LRRC71: variants seen among roughly 807,000 people sequenced by gnomAD.
LRRC71 encodes leucine rich repeat containing 71, also known as leucine-rich repeat-containing protein 71.
In LRRC71, 54 loss-of-function variants were observed where a neutral mutation model predicts 66.6. The observed-to-expected ratio is 0.81, with a 90% confidence interval of 0.65 to 1.02. The LOEUF is 1.02. Among genes scored for constraint, LRRC71 ranks in the 50% least tolerant of loss-of-function variants. The pLI is 0.00. For missense variants in LRRC71, 724 were observed against 718.0 expected (o/e 1.01, Z -0.10); for synonymous variants, 323 against 303.9 (o/e 1.06, Z -0.65).
chr1:156,927,951 G>A lies in LRRC71; in HGVS notation c.943G>A (p.Val315Met). Residue 315 changes from valine (V) to methionine (M), a missense_variant, in exon 9 of 15, where the codon GTG becomes ATG. Physicochemically the swap from Val to Met is conservative, Grantham distance 21 (BLOSUM62 1). Transcript: ENST00000337428. ...RAFELTHTEVVERRRLLLEKG... is the reference protein window; with the variant it reads ...RAFELTHTEVMERRRLLLEKG... ...CTTCGAGCTGACACACACCGAAGTGGTGGAGCGCCGACGCCTCCTGCTGGA... is the reference window on the plus strand; with the variant it reads ...CTTCGAGCTGACACACACCGAAGTGATGGAGCGCCGACGCCTCCTGCTGGA... 1 of 1,611,820 alleles carries A rather than the reference G, an allele frequency of 6.2e-7. No homozygotes were observed. The highest frequency in any genetic ancestry group is 8.5e-7 in the Non-Finnish European group (1 of 1,179,294).
chr1:156,923,943 C>G lies in LRRC71; in HGVS notation c.161-6C>G, dbSNP rs1175736439. The G allele has an allele frequency of 6.7e-7, 1 of 1,488,024 alleles. No individual in the cohort carries two copies. The highest frequency in any genetic ancestry group is 2.2e-5 in the Admixed American group (1 of 44,940). 92.2% of individuals were successfully genotyped at this position (1,488,024 alleles called of 1,614,324 possible). Reference sequence around the variant, plus strand: ...CCTTCTCTCACGCCCCTGCCTGCCCCCGCAGAGGAGTACCAGTGCTCCGGG... The same window carrying G: ...CCTTCTCTCACGCCCCTGCCTGCCCGCGCAGAGGAGTACCAGTGCTCCGGG... On this transcript the variant is annotated splice_region_variant and splice_polypyrimidine_tract_variant and intron_variant, in intron 1 of 14. Transcript: ENST00000337428.
intron 9 of LRRC71, among the ~76,000 whole-genome samples, chr1:156,928,372 T>TTCC (rs1437544509): frequency 7.4e-5 from 9 of 120,952 alleles, no homozygotes; most frequent in Non-Finnish European, 1.2e-4. Context: ...CCTCTTCTTC[T>TTCC]TCTTCTTCTT....
downstream of LRRC71, among the ~76,000 whole-genome samples, chr1:156,933,275 TC>T (rs749516515): frequency 6.6e-6 from 1 of 152,236 alleles, no homozygotes; most frequent in Non-Finnish European, 1.5e-5. Flanking sequence ...GGCTAGTTCT[TC>T]CTTGCTCAGG....
chr1:156,924,203 G>A (rs975227768), intron 2 of LRRC71, 105 bp downstream of exon 2: 3 of 1,354,474 alleles, frequency 2.2e-6, no homozygotes, highest in African/African-American at 2.9e-5. Flanking sequence ...CGGTGTGTGT[G>A]TGTGAGTCGG....
chr1:156,928,442 TC>T (rs1653697451), intron 9 of LRRC71, among the ~76,000 whole-genome samples: 1 of 94,496 alleles, frequency 1.1e-5, no homozygotes, highest in African/African-American at 5.1e-5. Flanking sequence ...TTCTTCCTCT[TC>T]CTCCTCCTCT....
chr1:156,921,576 T>A (rs1398544521), intron 1 of LRRC71: 1 of 944,568 alleles, frequency 1.1e-6, no homozygotes, highest in African/African-American at 1.8e-5. Flanking sequence ...TCATCCAGCA[T>A]TAGCCAGGTA....
At chr1:156,929,790 G>T in intron 11 of LRRC71, 61 bp downstream of exon 11, 3 of 1,421,866 alleles carry the variant, frequency 2.1e-6, no homozygotes, top group Middle Eastern at 2.2e-4. Context: ...GTGCCGGGCC[G>T]GGTGCAGGAA....
At chr1:156,922,870 G>T (rs373854759) in intron 1 of LRRC71, among the ~76,000 whole-genome samples, 1 of 152,158 alleles carries the variant, frequency 6.6e-6, no homozygotes, top group Non-Finnish European at 1.5e-5. Flanking sequence ...GAGAAGGGAG[G>T]TATGAGTGAA....
downstream of LRRC71, chr1:156,936,743 A>C: frequency 3.3e-6 from 5 of 1,498,562 alleles, no homozygotes; most frequent in Middle Eastern, 6.7e-4. Flanking sequence ...CTCACTGCTT[A>C]GTGATGTGTC....
downstream of LRRC71, chr1:156,934,992 C>T (rs1441187586): frequency 2.0e-5 from 3 of 148,172 alleles, no homozygotes; most frequent in Non-Finnish European, 4.5e-5. Flanking sequence ...TGTATATATA[C>T]ACCTAGCACA....
At chr1:156,927,390 T>G in intron 6 of LRRC71, 106 bp from the exon 7 acceptor site, 1 of 1,524,176 alleles carries the variant, frequency 6.6e-7, no homozygotes, top group South Asian at 1.3e-5. Flanking sequence ...TTTCTGCCCC[T>G]ACATCCTCAG....
intron 1 of LRRC71, among the ~76,000 whole-genome samples, chr1:156,923,714 A>C (rs1383404100): frequency 1.3e-5 from 2 of 152,256 alleles, no homozygotes; most frequent in Non-Finnish European, 2.9e-5. Flanking sequence ...GCCAGCACAC[A>C]GAAGAGGGGA....
At chr1:156,936,532 A>T (rs1655367673), downstream of LRRC71, among the ~76,000 whole-genome samples, 1 of 142,502 alleles carries the variant, frequency 7.0e-6, no homozygotes, top group Admixed American at 7.0e-5. Flanking sequence ...ATATAAAATT[A>T]AAAAAAGAAC....
intron 13 of LRRC71, 195 bp downstream of exon 13, chr1:156,932,222 G>A (rs936904360): frequency 1.4e-5 from 9 of 660,644 alleles, no homozygotes; most frequent in Middle Eastern, 4.2e-4. Flanking sequence ...GAGGACAGGC[G>A]ATTGGAGTAA....
intron 9 of LRRC71, 125 bp from the exon 10 acceptor site, chr1:156,929,155 G>A (rs1653880583): frequency 5.4e-6 from 6 of 1,112,308 alleles, no homozygotes; most frequent in Non-Finnish European, 7.5e-6. Context: ...ATTTAGGCAG[G>A]GAGGTGGGTG....
At chr1:156,940,240 T>G in the LRRC71 span, 6 of 1,604,262 alleles carry the variant, frequency 3.7e-6, no homozygotes, top group Non-Finnish European at 5.1e-6. Context: ...AGCCCTTCCA[T>G]GAACAGAGGG....
chr1:156,936,513 T>C (rs1343405515), downstream of LRRC71, among the ~76,000 whole-genome samples: 1 of 126,860 alleles, frequency 7.9e-6, no homozygotes, highest in Non-Finnish European at 1.6e-5. Context: ...TATATATATA[T>C]ATATATATAT....
intron 9 of LRRC71, among the ~76,000 whole-genome samples, chr1:156,928,406 T>TCTTCTTCTTCTTCTTCTG: frequency 1.5e-5 from 2 of 136,412 alleles, no homozygotes; most frequent in African/African-American, 5.7e-5. Context: ...TTCTTCTTCT[T>TCTTCTTCTTCTTCTTCTG]CCTCTTATTC....
rs953614519 is a variant in LRRC71 at position 156,932,970 on chromosome 1, C to T, written c.*1C>T. 14 of 1,556,208 alleles carry T rather than the reference C, an allele frequency of 9.0e-6. No homozygotes were observed. Among genetic ancestry groups the T allele is most frequent in the Middle Eastern group, 1.8e-4 (1 of 5,486 alleles). On this transcript the variant is annotated 3_prime_UTR_variant, in exon 15 of 15. Transcript: ENST00000337428. Reference sequence around the variant, plus strand: ...TGAGGCCATGGCATTCTTCCCCTAGCCCCCTCCCACCTGCTTGCCTCTAAG... The same window carrying T: ...TGAGGCCATGGCATTCTTCCCCTAGTCCCCTCCCACCTGCTTGCCTCTAAG...
Sources: allele counts gnomAD v4.1 joint callset (sites outside exome capture counted in the v4.1 genomes callset), GRCh38; gene constraint gnomAD v4.1.1; transcripts MANE v1.5; gene names NCBI Gene and HGNC (gene_info 2026-07-23, HGNC 2026-07-21).